C3: variants seen among roughly 807,000 people sequenced by gnomAD.
C3 encodes the protein C3 and PZP-like alpha-2-macroglobulin domain-containing protein 1.
In C3, 97 loss-of-function variants were observed where a neutral mutation model predicts 207.9. That is an observed-to-expected ratio of 0.47 (90% CI 0.40 to 0.55). The LOEUF is 0.55. Among genes scored for constraint, C3 ranks in the 20% least tolerant of loss-of-function variants. C3 has a pLI of 0.00. For missense variants in C3, 1,684 were observed against 2,171.7 expected (o/e 0.78, Z 4.46); for synonymous variants, 848 against 857.6 (o/e 0.99, Z 0.20).
intron 9 of C3, among the ~76,000 whole-genome samples, 188 bp downstream of exon 9, chr19:6,713,001 C>A (rs552668111): frequency 2.6e-5 from 4 of 152,036 alleles, no homozygotes; most frequent in African/African-American, 4.8e-5. Flanking sequence ...GCCCTGCCTC[C>A]CCCCATCAGG....
At chr19:6,684,344 A>G in intron 33 of C3, 44 bp downstream of exon 33, 1 of 1,457,774 alleles carries the variant, frequency 6.9e-7, no homozygotes, top group Non-Finnish European at 9.6e-7. Flanking sequence ...CTTGCTAGAG[A>G]TAGAGGGATG....
chr19:6,694,563 AG>A lies in C3; in HGVS notation c.3021del (p.Ser1008ArgfsTer8). 6.2e-7 allele frequency: 1 copy of A among 1,613,978 alleles called. No homozygotes were observed. Among genetic ancestry groups the A allele is most frequent in the Non-Finnish European group, 8.5e-7 (1 of 1,179,950 alleles). On this transcript the variant is annotated frameshift_variant, in exon 24 of 41. Coordinates refer to ENST00000245907, the MANE Select transcript of C3 (RefSeq NM_000064.4). LOFTEE classifies it high-confidence loss of function. Reference sequence around the variant, plus strand: ...ATCATGTTCTGTTCCCCGCAGCCCGAGGGGGTCACAATGAGGTGCTTCAGCC... The same window carrying A: ...ATCATGTTCTGTTCCCCGCAGCCCGAGGGGTCACAATGAGGTGCTTCAGCC... ...AERLKHLIVT[P>X]SGCGEQNMIG...
intron 19 of C3, among the ~76,000 whole-genome samples, chr19:6,698,945 C>A (rs908785437): frequency 2.0e-5 from 3 of 151,848 alleles, no homozygotes; most frequent in Non-Finnish European, 2.9e-5. Flanking sequence ...CAGGCACCCA[C>A]CCGCATGTCC....
At chr19:6,717,712 A>G (rs1968067052) in intron 4 of C3, 2 of 359,954 alleles carry the variant, frequency 5.6e-6, no homozygotes. Flanking sequence ...GTGGTTGTGT[A>G]TGTTGTGTAT....
Position 6,710,619 on chromosome 19 carries a change from C to T in C3, c.1686+20G>A, listed in dbSNP as rs76024222. 3.8e-4 allele frequency: 610 copies of T among 1,601,954 alleles called. 3 individuals are homozygous for T. In the African/African-American group the frequency reaches 6.6e-3, roughly 17 times the overall value. Reference sequence around the variant, plus strand: ...AGTAGGGAGAGGGAGAGGGGGCGAGCGAGCCCAGGGCACACTTACCGAGCC... The same window carrying T: ...AGTAGGGAGAGGGAGAGGGGGCGAGTGAGCCCAGGGCACACTTACCGAGCC... On this transcript the variant is annotated intron_variant, in intron 13 of 40. Coordinates refer to ENST00000245907, the MANE Select transcript of C3 (RefSeq NM_000064.4).
rs759633108 is a variant in C3, at chr19:6,709,670, T to G, written c.1845+14A>C. The G allele has an allele frequency of 3.3e-6, 5 of 1,516,024 alleles. No individual in the cohort carries two copies. In the South Asian group the frequency reaches 4.4e-5, roughly 13 times the overall value. 93.9% of individuals were successfully genotyped at this position (1,516,024 alleles called of 1,614,324 possible). ...TCCGCCTCTTCTCAGCAGCCTTGGGTCACTGGCCCTTACCTTACTCTGCGT... is the reference window on the plus strand; with the variant it reads ...TCCGCCTCTTCTCAGCAGCCTTGGGGCACTGGCCCTTACCTTACTCTGCGT... On this transcript the variant is annotated intron_variant, in intron 14 of 40. Transcript: ENST00000245907.
intron 4 of C3, among the ~76,000 whole-genome samples, 195 bp from the exon 5 acceptor site, chr19:6,714,641 C>A (rs1185709872): frequency 2.0e-5 from 3 of 152,168 alleles, no homozygotes; most frequent in African/African-American, 7.2e-5. Context: ...GCGGGCAGAT[C>A]ACCTGAGGTC....
Position 6,709,700 on chromosome 19 carries a change from T to TTGTTC in C3, c.1824_1828dup (p.Lys610ArgfsTer4). The TTGTTC allele has an allele frequency of 6.2e-7, 1 of 1,613,522 alleles. No individual in the cohort carries two copies. Among genetic ancestry groups the TTGTTC allele is most frequent in the Non-Finnish European group, 8.5e-7 (1 of 1,179,852 alleles). On this transcript the variant is annotated frameshift_variant, in exon 14 of 41. Transcript: ENST00000245907. LOFTEE classifies it high-confidence loss of function. ...GGCCCTTACCTTACTCTGCGTCAGT[T>TTGTTC]TGTTCTTCTTATTCAGCACGAACAC...
chr19:6,709,594 T>G, intron 14 of C3, 90 bp downstream of exon 14: 1 of 1,391,084 alleles, frequency 7.2e-7, no homozygotes, highest in Non-Finnish European at 1.0e-6. Context: ...TGCCCCCCAC[T>G]GCACTGCCCT....
At chr19:6,689,207 C>T (rs1159225239) in intron 27 of C3, among the ~76,000 whole-genome samples, 1 of 151,940 alleles carries the variant, frequency 6.6e-6, no homozygotes, top group African/African-American at 2.4e-5. Context: ...TTTATTATCC[C>T]CAATTTACAG....
chr19:6,704,651 T>G (rs1252802041), intron 17 of C3, among the ~76,000 whole-genome samples: 4 of 151,832 alleles, frequency 2.6e-5, no homozygotes, highest in Non-Finnish European at 5.9e-5. Context: ...CCCAGCTACT[T>G]GGGAGGCTGA....
At position 6,678,000 on chromosome 19, in the gene C3, T is replaced by C. The variant is rs1917755515; in HGVS notation, c.4874A>G (p.Asp1625Gly). The C allele has an allele frequency of 6.2e-7, 1 of 1,614,076 alleles. No homozygotes were observed. The highest frequency in any genetic ancestry group is 8.5e-7 in the Non-Finnish European group (1 of 1,180,006). The part of the protein sequence containing the change: ...KPNLSYIIGK[D>G]TWVEHWPEED... ...CTCGGGCCAGTGCTCCACCCAAGTGTCCTTCCCGATGATGTAGCTGAGGCT... is the reference window on the plus strand; with the variant it reads ...CTCGGGCCAGTGCTCCACCCAAGTGCCCTTCCCGATGATGTAGCTGAGGCT... The change falls in exon 41 of 41, where the codon GAC (aspartate) becomes GGC (glycine). Residue 1625 changes from aspartate (D) to glycine (G), a missense_variant. Physicochemically the swap from Asp to Gly is moderately conservative, Grantham distance 94. Around this residue, in one of 3 missense-constraint regions of C3, gnomAD observed 346 missense variants for 380.1 expected, o/e 0.91. Transcript: ENST00000245907.
intron 1 of C3, 102 bp downstream of exon 1, chr19:6,720,414 A>G: frequency 1.2e-6 from 1 of 846,490 alleles, no homozygotes; most frequent in Admixed American, 2.0e-5. Flanking sequence ...TGAATCCACA[A>G]ACACCCAAAT....
chr19:6,717,581 TTG>T (rs571899629), intron 4 of C3: 11 of 201,358 alleles, frequency 5.5e-5, no homozygotes, highest in Admixed American at 4.4e-4. Context: ...TTTGTGTGTG[TTG>T]TGTGTGTTGT....
Position 6,697,413 on chromosome 19 carries a change from T to A in C3, c.2727A>T (p.Glu909Asp). The A allele has an allele frequency of 6.2e-7, 1 of 1,613,992 alleles. No individual in the cohort carries two copies. The highest frequency in any genetic ancestry group is 1.1e-5 in the South Asian group (1 of 91,076). ...GGTAGACAGCAGCCTTGACTTCCACTTCCTGCAGGCCGGTCTTTAGCGGCA... is the reference window on the plus strand; with the variant it reads ...GGTAGACAGCAGCCTTGACTTCCACATCCTGCAGGCCGGTCTTTAGCGGCA... Reference protein sequence around the residue: ...VIVPLKTGLQEVEVKAAVYHH... With the variant: ...VIVPLKTGLQDVEVKAAVYHH... Residue 909 changes from glutamate (E) to aspartate (D), a missense_variant, in exon 21 of 41, where the codon GAA becomes GAT. Physicochemically the swap from Glu to Asp is conservative, Grantham distance 45. This residue lies in a region of C3 where 1,280 missense variants were observed against 1,739.1 expected (regional missense o/e 0.74). Transcript: ENST00000245907.
At chr19:6,686,344 C>T (rs1306972571) in intron 28 of C3, 57 bp from the exon 29 acceptor site, 1 of 1,590,796 alleles carries the variant, frequency 6.3e-7, no homozygotes, top group Non-Finnish European at 8.6e-7. Context: ...CTGGGGATGG[C>T]TCAGAGAAAG....
intron 38 of C3, 22 bp downstream of exon 38, chr19:6,679,103 C>T (rs781687401): frequency 1.3e-6 from 2 of 1,579,628 alleles, no homozygotes; most frequent in East Asian, 2.2e-5. Context: ...ACATGCGTGA[C>T]CCCCACCCAT....
In C3 at chr19:6,692,906, T is replaced by G. The variant is rs1568215097; in HGVS notation, c.3390+18A>C. 6.2e-7 allele frequency: 1 copy of G among 1,613,434 alleles called. No homozygotes were observed. Reference sequence around the variant, plus strand: ...GGAGCCCCTCTCTTCCATTTTGCCCTAAATCCCAGCCTCTTACAATCATTT... The same window carrying G: ...GGAGCCCCTCTCTTCCATTTTGCCCGAAATCCCAGCCTCTTACAATCATTT... On this transcript the variant is annotated intron_variant, in intron 26 of 40. Transcript: ENST00000245907.
At chr19:6,684,904 G>A in intron 30 of C3, 70 bp from the exon 31 acceptor site, 3 of 1,606,530 alleles carry the variant, frequency 1.9e-6, no homozygotes, top group Non-Finnish European at 2.6e-6. Flanking sequence ...TGGTCACCTG[G>A]CCCTCCCTCT....
Sources: gnomAD v4.1 joint callset for allele counts (sites outside exome capture counted in the v4.1 genomes callset) on GRCh38, gnomAD v4.1.1 for gene constraint, gnomAD v4.1.1 regional missense constraint, MANE v1.5 for transcripts, NCBI Gene and HGNC (gene_info 2026-07-23, HGNC 2026-07-21) for gene names.